The following GTF3A variants were observed in gnomAD, a reference collection of about 807,000 sequenced individuals.
The protein encoded by GTF3A is general transcription factor IIIA.
GTF3A carries 40 observed loss-of-function variants against 37.6 expected under a neutral mutation model. The ratio of observed to expected loss-of-function variants is 1.06; its 90% CI spans 0.83 to 1.38. The LOEUF (loss-of-function observed/expected upper bound fraction) is 1.38. Among genes scored for constraint, GTF3A ranks in the 40% most tolerant of loss-of-function variants. The probability of loss-of-function intolerance (pLI) is 0.00; values close to 1 mark genes in which losing one functional copy is unlikely to be tolerated. For synonymous variants in GTF3A, 191 were observed against 166.7 expected (o/e 1.15, Z -1.12); for missense variants, 500 against 462.6 (o/e 1.08, Z -0.74).
chr13:27,435,047 C>A lies in GTF3A; in HGVS notation c.873+13C>A. ...ATTTGCAATGAAAGTAAGCACTCACCCTCATACTCATGGTCCTATAGTCTA... is the reference window on the plus strand; with the variant it reads ...ATTTGCAATGAAAGTAAGCACTCACACTCATACTCATGGTCCTATAGTCTA... On this transcript the variant is annotated intron_variant, in intron 7 of 8. Transcript: ENST00000381140. 1.9e-6 allele frequency: 3 copies of A among 1,543,638 alleles called. No individual in the cohort carries two copies. The highest frequency in any genetic ancestry group is 2.7e-6 in the Non-Finnish European group (3 of 1,115,750).
intron 2 of GTF3A, among the ~76,000 whole-genome samples, chr13:27,428,419 T>C (rs1325895792): frequency 6.6e-6 from 1 of 152,168 alleles, no homozygotes; most frequent in African/African-American, 2.4e-5. Flanking sequence ...CCCGTGTGCT[T>C]CCCTTAAAGC....
chr13:27,434,262 C>T, intron 6 of GTF3A, 43 bp downstream of exon 6: 2 of 810,612 alleles, frequency 2.5e-6, no homozygotes, highest in Admixed American at 1.7e-5. Flanking sequence ...AATGTTTGTC[C>T]CCACAGAACT....
At position 27,427,144 on chromosome 13, in the gene GTF3A, A is replaced by G. The variant is rs767070283; in HGVS notation, c.254A>G (p.Tyr85Cys). ...TGTGGCAAGGCCTTCATCAGGGACT[A>G]CCATCTGAGCCGCCACATTCTGACT... The change falls in exon 2 of 9, where the codon TAC becomes TGC. Residue 85 changes from tyrosine (Y) to cysteine (C), a missense_variant. Coordinates refer to ENST00000381140, the MANE Select transcript of GTF3A (RefSeq NM_002097.3). 1.2e-6 allele frequency: 2 copies of G among 1,607,816 alleles called. No individual in the cohort carries two copies. Among genetic ancestry groups the G allele is most frequent in the Non-Finnish European group, 1.7e-6 (2 of 1,174,826 alleles).
At chr13:27,435,322 C>A in intron 8 of GTF3A, 111 bp from the exon 9 acceptor site, 1 of 1,297,638 alleles carries the variant, frequency 7.7e-7, no homozygotes, top group Non-Finnish European at 1.1e-6. Context: ...ACTTTACTTC[C>A]TCATAAAGCA....
chr13:27,424,784 T>C lies in GTF3A; in HGVS notation c.47T>C (p.Ile16Thr), dbSNP rs1953588699. 1.9e-6 allele frequency: 3 copies of C among 1,544,054 alleles called. No homozygotes were observed. The highest frequency in any genetic ancestry group is 1.7e-6 in the Non-Finnish European group (2 of 1,144,836). ...GCCGAGTCGGTGTCGTCCTTGACCA[T>C]CGCCGACGCGTTCATTGCAGCCGGC... The change falls in exon 1 of 9, where the codon ATC becomes ACC. Residue 16 changes from isoleucine (I) to threonine (T), a missense_variant. Ile to Thr is a moderately conservative substitution (Grantham distance 89). Coordinates refer to ENST00000381140, the MANE Select transcript of GTF3A (RefSeq NM_002097.3).
chr13:27,432,766 C>T lies in GTF3A; in HGVS notation c.524C>T (p.Ser175Leu), dbSNP rs1339539208. ...GAAGGATGTGGGAAACACTTTGCATCACCCAGCAAGCTGAAACGACATGCC... is the reference window on the plus strand; with the variant it reads ...GAAGGATGTGGGAAACACTTTGCATTACCCAGCAAGCTGAAACGACATGCC... Residue 175 changes from serine to leucine, a missense_variant, in exon 5 of 9, where the codon TCA (serine) becomes TTA (leucine). Coordinates refer to ENST00000381140, the MANE Select transcript of GTF3A (RefSeq NM_002097.3). 1.2e-6 allele frequency: 2 copies of T among 1,606,256 alleles called. No individual in the cohort carries two copies. The highest frequency in any genetic ancestry group is 2.7e-5 in the African/African-American group (2 of 74,840).
Position 27,434,223 on chromosome 13 carries a change from A to C in GTF3A, c.643+4A>C. On this transcript the variant is annotated splice_donor_region_variant and intron_variant, in intron 6 of 8. Coordinates refer to ENST00000381140, the MANE Select transcript of GTF3A (RefSeq NM_002097.3). ...CATGTGAGAGAAACCCATAAAGGTA[A>C]GGCAGGCATGAATGGCAGGCATGGT... The C allele has an allele frequency of 8.8e-7, 1 of 1,136,414 alleles. No homozygotes were observed. The highest frequency in any genetic ancestry group is 1.3e-6 in the Non-Finnish European group (1 of 743,446). The allele number at this position is 1,136,414 out of a possible 1,614,324, so 70.4% of individuals were successfully genotyped here.
chr13:27,424,944 G>C lies in GTF3A; in HGVS notation c.201+6G>C. 1.3e-6 allele frequency: 2 copies of C among 1,542,788 alleles called. No homozygotes were observed. Among genetic ancestry groups the C allele is most frequent in the South Asian group, 1.2e-5 (1 of 82,752 alleles). On this transcript the variant is annotated splice_donor_region_variant and intron_variant, in intron 1 of 8. Coordinates refer to ENST00000381140, the MANE Select transcript of GTF3A (RefSeq NM_002097.3). ...TGTGCAAGCACACGGGGGAGGTGAGGGGGGCGAGGCTGCCAACCCTGGGCC... is the reference window on the plus strand; with the variant it reads ...TGTGCAAGCACACGGGGGAGGTGAGCGGGGCGAGGCTGCCAACCCTGGGCC...
intron 1 of GTF3A, 165 bp downstream of exon 1, chr13:27,425,103 C>T (rs781318943): frequency 3.7e-6 from 2 of 541,034 alleles, no homozygotes; most frequent in South Asian, 2.5e-5. Flanking sequence ...AGTTGTAGGA[C>T]CTTCGTTCTG....
At chr13:27,426,887 T>C (rs1021125975) in intron 1 of GTF3A, among the ~76,000 whole-genome samples, 8 of 152,178 alleles carry the variant, frequency 5.3e-5, no homozygotes, top group African/African-American at 1.9e-4. Context: ...AAAATCTGTG[T>C]AGTGACTTTG....
rs759075276 is a variant in GTF3A at position 27,435,660 on chromosome 13, TTTTC to T, written c.*67_*70del. 1.4e-4 allele frequency: 231 copies of T among 1,613,102 alleles called. 3 individuals carry two copies. In the South Asian group the frequency reaches 2.3e-3, roughly 16 times the overall value. ...GAGCGAGCTTTCTCTCAGAGCATGC[TTTTC>T]TTTATTAAAATTACTGATGCAGAAC... On this transcript the variant is annotated 3_prime_UTR_variant, in exon 9 of 9. Transcript: ENST00000381140.
intron 5 of GTF3A, among the ~76,000 whole-genome samples, chr13:27,433,359 G>A (rs922450589): frequency 1.7e-4 from 26 of 150,470 alleles, no homozygotes; most frequent in African/African-American, 6.1e-4. Context: ...AACAGTGAGA[G>A]GCAGCCTCAT....
At chr13:27,431,607 C>G (rs1388182014) in intron 4 of GTF3A, among the ~76,000 whole-genome samples, 1 of 149,060 alleles carries the variant, frequency 6.7e-6, no homozygotes, top group African/African-American at 2.5e-5. Flanking sequence ...ACAGTGATTT[C>G]ATAAACTTTG....
At position 27,435,624 on chromosome 13, in the gene GTF3A, T is replaced by A. The variant is rs369872735; in HGVS notation, c.*27T>A. On this transcript the variant is annotated 3_prime_UTR_variant, in exon 9 of 9. Transcript: ENST00000381140. ...AACTGCACTGCTTTGTTTAAAGGACTGCAGACCAAGGAGCGAGCTTTCTCT... is the reference window on the plus strand; with the variant it reads ...AACTGCACTGCTTTGTTTAAAGGACAGCAGACCAAGGAGCGAGCTTTCTCT... The A allele has an allele frequency of 6.2e-7, 1 of 1,612,742 alleles. No homozygotes were observed. Among genetic ancestry groups the A allele is most frequent in the South Asian group, 1.1e-5 (1 of 91,050 alleles).
intron 4 of GTF3A, among the ~76,000 whole-genome samples, chr13:27,432,408 G>T (rs1167962821): frequency 6.6e-6 from 1 of 152,168 alleles, no homozygotes; most frequent in East Asian, 1.9e-4. Context: ...TGGCTTAGGG[G>T]TTTATCTAAG....
intron 1 of GTF3A, chr13:27,426,347 T>G (rs914012804): frequency 6.6e-6 from 1 of 152,354 alleles, no homozygotes; most frequent in African/African-American, 2.4e-5. Context: ...TGGTGGTATG[T>G]AGCTCACTGT....
In GTF3A at chr13:27,429,870, T is replaced by C. The variant is rs993296089; in HGVS notation, c.303T>C (p.Val101=). ...TTTTGGTTTATATAACTTCTTACAG[T>C]TGTGCAGCCAATGGCTGTGATCAAA... The change falls in exon 3 of 9, where the codon GTT becomes GTC. Residue 101 remains valine, a splice_region_variant and synonymous_variant. Transcript: ENST00000381140. The C allele has an allele frequency of 6.6e-7, 1 of 1,509,260 alleles. No individual in the cohort carries two copies. The highest frequency in any genetic ancestry group is 8.9e-7 in the Non-Finnish European group (1 of 1,127,270). 93.5% of individuals were successfully genotyped at this position (1,509,260 alleles called of 1,614,324 possible).
Position 27,424,650 on chromosome 13 carries a change from G to A in GTF3A, c.-88G>A. On this transcript the variant is annotated 5_prime_UTR_variant, in exon 1 of 9. Coordinates refer to ENST00000381140, the MANE Select transcript of GTF3A (RefSeq NM_002097.3). The stretch of plus-strand genomic sequence containing the variant: ...GCCGGCGTCGCGCGAAGGTTCAGCA[G>A]GGAGCCGTGGGCCGGGCGCGCCGGT... The A allele has an allele frequency of 3.0e-6, 3 of 990,626 alleles. No homozygotes were observed. The highest frequency in any genetic ancestry group is 4.1e-6 in the Non-Finnish European group (3 of 737,754). The allele number at this position is 990,626 out of a possible 1,614,324, so 61.4% of individuals were successfully genotyped here. A position where few individuals can be genotyped will look rare whatever the true frequency, so the allele number is the denominator to read the frequency against.
intron 2 of GTF3A, among the ~76,000 whole-genome samples, chr13:27,429,621 T>C (rs899006222): frequency 5.3e-5 from 8 of 152,164 alleles, no homozygotes; most frequent in African/African-American, 1.7e-4. Flanking sequence ...CTGCCCAGTG[T>C]GTATAAAAGA....
Sources: gnomAD v4.1 joint callset for allele counts (sites outside exome capture counted in the v4.1 genomes callset) on GRCh38, gnomAD v4.1.1 for gene constraint, MANE v1.5 for transcripts, NCBI Gene and HGNC (gene_info 2026-07-23, HGNC 2026-07-21) for gene names.